IGF2BP1: variants seen among roughly 807,000 people sequenced by gnomAD.
IGF2BP1 encodes insulin like growth factor 2 mRNA binding protein 1.
In IGF2BP1, 11 loss-of-function variants were observed where a neutral mutation model predicts 74.9. That is an observed-to-expected ratio of 0.15 (90% confidence interval 0.09 to 0.24). The LOEUF is 0.24. Among genes scored for constraint, IGF2BP1 ranks in the 10% least tolerant of loss-of-function variants. IGF2BP1 has a pLI of 1.00. For synonymous variants in IGF2BP1, 287 were observed against 281.8 expected (o/e 1.02, Z -0.18); for missense variants, 440 against 757.4 (o/e 0.58, Z 4.92).
At position 49,040,091 on chromosome 17, in the gene IGF2BP1, C is replaced by T. The variant is rs747081335; in HGVS notation, c.818C>T (p.Thr273Met). 96 of 1,613,960 alleles carry T rather than the reference C, an allele frequency of 5.9e-5. No individual in the cohort carries two copies. Among genetic ancestry groups the T allele is most frequent in the Middle Eastern group, 1.7e-4 (1 of 6,056 alleles). ...IMHKEAKDTK[T>M]ADEVPLKILA... ...CATAAAGAGGCTAAGGACACCAAAA[C>T]GTAAGTCTCCAGCTTTTCTTGGATC... Residue 273 changes from threonine (T) to methionine (M), a missense_variant and splice_region_variant, in exon 7 of 15, where the codon ACG becomes ATG. Thr to Met is a moderately conservative substitution (Grantham distance 81). Coordinates refer to ENST00000290341, the MANE Select transcript of IGF2BP1 (RefSeq NM_006546.4).
chr17:49,001,660 C>T (rs1006202898), intron 2 of IGF2BP1, among the ~76,000 whole-genome samples: 2 of 152,128 alleles, frequency 1.3e-5, no homozygotes, highest in Non-Finnish European at 2.9e-5. Flanking sequence ...ATACTAATTT[C>T]TTAGAGATCA....
At chr17:49,039,233 A>T (rs1013319341) in intron 6 of IGF2BP1, among the ~76,000 whole-genome samples, 11 of 152,112 alleles carry the variant, frequency 7.2e-5, no homozygotes, top group Admixed American at 2.0e-4. Flanking sequence ...AGGTCATATT[A>T]TGTCCTTATC....
intron 5 of IGF2BP1, among the ~76,000 whole-genome samples, chr17:49,037,656 A>C (rs1020321464): frequency 1.1e-4 from 17 of 152,214 alleles, no homozygotes; most frequent in African/African-American, 4.1e-4. Flanking sequence ...ATACATTTCA[A>C]TCTCCTTTGA....
chr17:49,028,564 G>C (rs2041883943), intron 4 of IGF2BP1, among the ~76,000 whole-genome samples: 1 of 152,174 alleles, frequency 6.6e-6, no homozygotes, highest in South Asian at 2.1e-4. Flanking sequence ...GCAGTGGCTT[G>C]GGAGCAAGTG....
At chr17:49,017,441 A>C (rs1049634074) in intron 2 of IGF2BP1, among the ~76,000 whole-genome samples, 1 of 152,174 alleles carries the variant, frequency 6.6e-6, no homozygotes, top group Non-Finnish European at 1.5e-5. Flanking sequence ...TCTACGAGTC[A>C]TATTAAAGAA....
chr17:49,044,121 A>G, intron 11 of IGF2BP1, 35 bp downstream of exon 11: 1 of 1,609,888 alleles, frequency 6.2e-7, no homozygotes, highest in Non-Finnish European at 8.5e-7. Flanking sequence ...GTTTCTGGAA[A>G]GGGAGGGGTC....
chr17:49,008,312 C>G (rs1472323863), intron 2 of IGF2BP1, among the ~76,000 whole-genome samples: 1 of 152,112 alleles, frequency 6.6e-6, no homozygotes, highest in East Asian at 1.9e-4. Flanking sequence ...CAGCTAGATT[C>G]AGAAGAATAA....
intron 2 of IGF2BP1, among the ~76,000 whole-genome samples, chr17:49,002,667 TAAAAAGG>T (rs2041500596): frequency 6.6e-6 from 1 of 151,826 alleles, no homozygotes; most frequent in Non-Finnish European, 1.5e-5. Flanking sequence ...ATTACTCTTT[TAAAAAGG>T]TTTTCTTATT....
rs576996590 is a variant in IGF2BP1, at chr17:49,038,289, G to A, written c.523G>A (p.Gly175Ser). The A allele has an allele frequency of 1.2e-5, 19 of 1,603,504 alleles. No homozygotes were observed. The highest frequency in any genetic ancestry group is 3.4e-5 in the Admixed American group (2 of 58,122). ...NGRRGGFGSRGQPRQGSPVAA... is the reference protein window; with the variant it reads ...NGRRGGFGSRSQPRQGSPVAA... ...GCGCCGAGGGGGCTTTGGCTCTCGG[G>A]GTCAGCCCCGCCAGGGCTCACCTGT... The change falls in exon 6 of 15, where the codon GGT (glycine) becomes AGT (serine). Residue 175 changes from glycine to serine, a missense_variant. Coordinates refer to ENST00000290341, the MANE Select transcript of IGF2BP1 (RefSeq NM_006546.4).
chr17:49,028,580 T>C (rs1386194848), intron 4 of IGF2BP1, among the ~76,000 whole-genome samples: 1 of 152,196 alleles, frequency 6.6e-6, no homozygotes. Context: ...AAGTGCATGC[T>C]GAATTTCACT....
At chr17:49,049,265 C>A in intron 14 of IGF2BP1, 87 bp from the exon 15 acceptor site, 1 of 1,041,910 alleles carries the variant, frequency 9.6e-7, no homozygotes, top group Non-Finnish European at 1.5e-6. Context: ...TGTTTATTGC[C>A]TGTGTCTGGA....
At chr17:49,004,182 G>T (rs1458689185) in intron 2 of IGF2BP1, among the ~76,000 whole-genome samples, 1 of 152,196 alleles carries the variant, frequency 6.6e-6, no homozygotes, top group Admixed American at 6.5e-5. Flanking sequence ...TCTCCGAGGA[G>T]GACTTCCCCT....
rs2042193061 is a variant in IGF2BP1, at chr17:49,053,683, T to A, written c.*4239T>A. 1.3e-5 allele frequency: 2 copies of A among 152,680 alleles called. No homozygotes were observed. The highest frequency in any genetic ancestry group is 4.8e-5 in the African/African-American group (2 of 41,442). The allele number at this position is 152,680 out of a possible 1,614,324, so 9.5% of individuals were successfully genotyped here. A position where few individuals can be genotyped will look rare whatever the true frequency, so the allele number is the denominator to read the frequency against. On this transcript the variant is annotated 3_prime_UTR_variant, in exon 15 of 15. Transcript: ENST00000290341. ...CTCCTCCCAACCCAGACATACCCTC[T>A]GCCAAACTGGGAACCAGCAGTGCTA...
Position 49,049,521 on chromosome 17 carries a change from A to C in IGF2BP1, c.*77A>C, listed in dbSNP as rs1440554897. ...GAGTGTGCTCTCCCCGGCAGGCCTG[A>C]GAATGAGTGGGAATCCGGGACACCT... On this transcript the variant is annotated 3_prime_UTR_variant, in exon 15 of 15. Transcript: ENST00000290341. 2 of 1,275,030 alleles carry C rather than the reference A, an allele frequency of 1.6e-6. No homozygotes were observed. Among genetic ancestry groups the C allele is most frequent in the Non-Finnish European group, 2.2e-6 (2 of 889,898 alleles). 79.0% of individuals were successfully genotyped at this position (1,275,030 alleles called of 1,614,324 possible).
At chr17:49,045,864 G>A (rs2144146696) in intron 12 of IGF2BP1, 26 bp from the exon 13 acceptor site, 1 of 1,610,144 alleles carries the variant, frequency 6.2e-7, no homozygotes, top group Non-Finnish European at 8.5e-7. Context: ...ATGAACCACT[G>A]ATTAACAATT....
Position 49,038,320 on chromosome 17 carries a change from C to T in IGF2BP1, c.554C>T (p.Ala185Val), listed in dbSNP as rs373305132. Residue 185 changes from alanine (A) to valine (V), a missense_variant, in exon 6 of 15, where the codon GCG becomes GTG. Around this residue, in one of 5 missense-constraint regions of IGF2BP1, gnomAD observed 184 missense variants for 273.4 expected, o/e 0.67. Transcript: ENST00000290341. ...CCCCGCCAGGGCTCACCTGTGGCAGCGGGGGCCCCAGCCAAGCAGCAGCAA... is the reference window on the plus strand; with the variant it reads ...CCCCGCCAGGGCTCACCTGTGGCAGTGGGGGCCCCAGCCAAGCAGCAGCAA... ...GQPRQGSPVA[A>V]GAPAKQQQVD... The T allele has an allele frequency of 1.7e-5, 27 of 1,605,388 alleles. No individual in the cohort carries two copies. Among genetic ancestry groups the T allele is most frequent in the African/African-American group, 1.2e-4 (9 of 74,816 alleles).
At chr17:49,004,494 T>C (rs1368071777) in intron 2 of IGF2BP1, 1 of 152,210 alleles carries the variant, frequency 6.6e-6, no homozygotes, top group Non-Finnish European at 1.5e-5. Flanking sequence ...TGTTCCTCTC[T>C]CCCAGTAGCT....
At chr17:48,998,707 A>G (rs1425159670) in intron 1 of IGF2BP1, among the ~76,000 whole-genome samples, 1 of 150,948 alleles carries the variant, frequency 6.6e-6, no homozygotes, top group African/African-American at 2.4e-5. Flanking sequence ...AGAAAAATAA[A>G]GTTTCATTCT....
intron 9 of IGF2BP1, 149 bp downstream of exon 9, chr17:49,042,526 T>C: frequency 1.2e-6 from 1 of 821,790 alleles, no homozygotes; most frequent in Non-Finnish European, 1.9e-6. Flanking sequence ...AGAAATAGTA[T>C]TTAAATAGTA....
Sources: gnomAD v4.1 joint callset for allele counts (sites outside exome capture counted in the v4.1 genomes callset) on GRCh38, gnomAD v4.1.1 for gene constraint, gnomAD v4.1.1 regional missense constraint, MANE v1.5 for transcripts, NCBI Gene and HGNC (gene_info 2026-07-23, HGNC 2026-07-21) for gene names.